CYLC1: variants seen among roughly 807,000 people sequenced by gnomAD.
CYLC1 encodes the protein cylicin 1.
In CYLC1, 2 loss-of-function variants were observed where a neutral mutation model predicts 31.6. That is an observed-to-expected ratio of 0.06 (90% CI 0.03 to 0.20). The LOEUF (loss-of-function observed/expected upper bound fraction) is 0.20, where lower values mean the gene tolerates loss of function less well. CYLC1 is among the 10% of genes least tolerant of loss of function. CYLC1 has a pLI of 1.00. For missense variants in CYLC1, 595 were observed against 424.1 expected (o/e 1.40, Z -3.54); for synonymous variants, 185 against 153.0 (o/e 1.21, Z -1.54).
chrX:83,878,005 AAT>A (rs1333963385), intron 4 of CYLC1, among the ~76,000 whole-genome samples: 3 of 68,190 alleles, frequency 4.4e-5, no homozygotes, highest in Non-Finnish European at 7.5e-5. Flanking sequence ...TTTGTATATA[AAT>A]ATATATATAA....
In CYLC1 at chrX:83,873,250, C is replaced by G. The variant is rs1375612925; in HGVS notation, c.542C>G (p.Thr181Ser). Residue 181 changes from threonine (T) to serine (S), a missense_variant, in exon 4 of 5, where the codon ACT becomes AGT. Transcript: ENST00000329312. The stretch of plus-strand genomic sequence containing the variant: ...AAGAAGTCAAAATCCAGTTCAGAAA[C>G]TAATCCAGAATCCCAAAATTCTAAG... The part of the protein sequence containing the change: ...QSKKSKSSSE[T>S]NPESQNSKTV... 2.5e-6 allele frequency: 3 copies of G among 1,197,237 alleles called. No homozygotes were observed. The Admixed American group carries it at 6.8e-5, about 27-fold the overall frequency.
At chrX:83,881,478 A>AT (rs2147786989) in intron 4 of CYLC1, among the ~76,000 whole-genome samples, 1 of 109,245 alleles carries the variant, frequency 9.2e-6, no homozygotes, top group Non-Finnish European at 1.9e-5. Flanking sequence ...ATGTCTGCCC[A>AT]TAACAGTGAT....
intron 4 of CYLC1, among the ~76,000 whole-genome samples, chrX:83,885,681 A>G (rs1398317303): frequency 2.7e-5 from 3 of 109,216 alleles, no homozygotes; most frequent in Non-Finnish European, 5.7e-5. Context: ...GTCATAAATG[A>G]TAAAATAATA....
chrX:83,871,036 A>G (rs1261299215), intron 2 of CYLC1, among the ~76,000 whole-genome samples: 1 of 110,074 alleles, frequency 9.1e-6, no homozygotes, highest in Non-Finnish European at 1.9e-5. Context: ...AGTTATTATG[A>G]AGACTATAGC....
chrX:83,874,588 G>A lies in CYLC1; in HGVS notation c.1880G>A (p.Cys627Tyr). The A allele has an allele frequency of 2.5e-6, 3 of 1,204,773 alleles. No homozygotes were observed. The highest frequency in any genetic ancestry group is 1.8e-5 in the South Asian group (1 of 55,622). The change falls in exon 4 of 5, where the codon TGC becomes TAC. Residue 627 changes from cysteine to tyrosine, a missense_variant. Physicochemically the swap from Cys to Tyr is radical, Grantham distance 194. Transcript: ENST00000329312. The part of the protein sequence containing the change: ...PSPKVRRLCW[C>Y]KMPPPPPKPR... ...CCAAAGGTCAGACGTCTTTGTTGGT[G>A]CAAGATGCCTCCTCCACCTCCAAAA... is the stretch of plus-strand genomic sequence containing the variant.
At chrX:83,877,709 A>G (rs2147783327) in intron 4 of CYLC1, among the ~76,000 whole-genome samples, 1 of 104,078 alleles carries the variant, frequency 9.6e-6, no homozygotes, top group African/African-American at 3.5e-5. Flanking sequence ...ACTTTATGTT[A>G]CCCTCTCATC....
chrX:83,868,520 A>G (rs377181100), intron 1 of CYLC1, among the ~76,000 whole-genome samples: 1 of 110,700 alleles, frequency 9.0e-6, no homozygotes. Context: ...TAGAAGTTTT[A>G]TTATTTTACA....
chrX:83,874,305 A>C lies in CYLC1; in HGVS notation c.1597A>C (p.Lys533Gln), dbSNP rs780567422. ...TGATGAATCTTCCAAGACAGGCTTT[A>C]AAACATCTACAAAAATCAAAGGTTC... ...EFDESSKTGF[K>Q]TSTKIKGSDT... The change falls in exon 4 of 5, where the codon AAA (lysine) becomes CAA (glutamine). Residue 533 changes from lysine (K) to glutamine (Q), a missense_variant. Lys to Gln is a moderately conservative substitution (Grantham distance 53). Coordinates refer to ENST00000329312, the MANE Select transcript of CYLC1 (RefSeq NM_021118.3). 8 of 1,207,787 alleles carry C rather than the reference A, an allele frequency of 6.6e-6. No individual in the cohort carries two copies. Among genetic ancestry groups the C allele is most frequent in the Non-Finnish European group, 8.9e-6 (8 of 894,126 alleles).
Position 83,873,902 on chromosome X carries a change from G to A in CYLC1, c.1194G>A (p.Lys398=). The change falls in exon 4 of 5, where the codon AAG becomes AAA. Residue 398 remains lysine (K), a synonymous_variant. Transcript: ENST00000329312. ...KKASKNDDKK[K]DAKKITFSTD... is the part of the protein sequence containing the mutation. Reference sequence around the variant, plus strand: ...CTTCAAAGAATGATGACAAGAAAAAGGATGCAAAGAAAATTACATTCTCTA... The same window carrying A: ...CTTCAAAGAATGATGACAAGAAAAAAGATGCAAAGAAAATTACATTCTCTA... The A allele has an allele frequency of 1.7e-6, 2 of 1,196,439 alleles. No individual in the cohort carries two copies. The highest frequency in any genetic ancestry group is 2.3e-6 in the Non-Finnish European group (2 of 886,647).
chrX:83,881,598 T>A (rs1469883788), intron 4 of CYLC1, among the ~76,000 whole-genome samples: 1 of 110,328 alleles, frequency 9.1e-6, no homozygotes, highest in Non-Finnish European at 1.9e-5. Context: ...CAAGAAATTA[T>A]TCTTAGGAGG....
At chrX:83,868,873 A>T (rs2031626821) in intron 1 of CYLC1, among the ~76,000 whole-genome samples, 1 of 110,632 alleles carries the variant, frequency 9.0e-6, no homozygotes, top group Non-Finnish European at 1.9e-5. Context: ...ATATTCTCGA[A>T]TCCTTTATTT....
chrX:83,884,528 C>T (rs765140695), intron 4 of CYLC1, among the ~76,000 whole-genome samples: 1 of 110,909 alleles, frequency 9.0e-6, no homozygotes, highest in Non-Finnish European at 1.9e-5. Context: ...AAGGGTATTT[C>T]CAATGTTGTC....
At chrX:83,865,483 G>A (rs995437498) in intron 1 of CYLC1, among the ~76,000 whole-genome samples, 3 of 111,746 alleles carry the variant, frequency 2.7e-5, no homozygotes, top group Admixed American at 1.9e-4. Flanking sequence ...ACCTTGATTA[G>A]TTTCATATTG....
intron 4 of CYLC1, among the ~76,000 whole-genome samples, chrX:83,878,028 ATT>A (rs1374960904): frequency 1.3e-4 from 9 of 68,026 alleles, no homozygotes; most frequent in African/African-American, 5.2e-4. Context: ...AAATATATAT[ATT>A]TGTATATAAA....
intron 1 of CYLC1, among the ~76,000 whole-genome samples, chrX:83,866,663 A>T (rs2031597253): frequency 9.0e-6 from 1 of 110,844 alleles, no homozygotes. Context: ...TGTACACAAA[A>T]TATTTTATAT....
At chrX:83,862,161 A>C (rs1208730226) in intron 1 of CYLC1, among the ~76,000 whole-genome samples, 2 of 111,699 alleles carry the variant, frequency 1.8e-5, no homozygotes, top group African/African-American at 6.5e-5. Flanking sequence ...TAAATGATAC[A>C]TGTCTGTAAT....
chrX:83,870,310 T>C (rs1215852671), intron 2 of CYLC1, among the ~76,000 whole-genome samples: 1 of 111,351 alleles, frequency 9.0e-6, no homozygotes, highest in Non-Finnish European at 1.9e-5. Context: ...TTTACGTTAA[T>C]ATACTGAGCT....
intron 1 of CYLC1, among the ~76,000 whole-genome samples, chrX:83,863,599 G>GA (rs971374370): frequency 1.8e-5 from 2 of 110,407 alleles, no homozygotes; most frequent in Non-Finnish European, 1.9e-5. Flanking sequence ...ATGAGCATGA[G>GA]AAAAAAAATG....
chrX:83,864,883 T>G (rs2031570875), intron 1 of CYLC1, among the ~76,000 whole-genome samples: 1 of 111,169 alleles, frequency 9.0e-6, no homozygotes, highest in Non-Finnish European at 1.9e-5. Context: ...TCTCAGCTTC[T>G]GTTGCTGGTT....
Sources: gnomAD v4.1 joint callset for allele counts (sites outside exome capture counted in the v4.1 genomes callset) on GRCh38, gnomAD v4.1.1 for gene constraint, MANE v1.5 for transcripts, NCBI Gene and HGNC (gene_info 2026-07-23, HGNC 2026-07-21) for gene names.